Variants in POLR3G observed in about 807,000 individuals in gnomAD.
POLR3G encodes the protein RNA polymerase III subunit G.
In POLR3G, 28 loss-of-function variants were observed where a neutral mutation model predicts 30.1. That is an observed-to-expected ratio of 0.93 (90% CI 0.69 to 1.27). The LOEUF is 1.27. Among genes scored for constraint, POLR3G ranks in the 50% most tolerant of loss-of-function variants. POLR3G has a pLI of 0.00. For missense variants in POLR3G, 254 were observed against 264.6 expected (o/e 0.96, Z 0.28); for synonymous variants, 79 against 82.5 (o/e 0.96, Z 0.23).
chr5:90,498,007 G>T (rs912748055), intron 5 of POLR3G, among the ~76,000 whole-genome samples: 3 of 152,072 alleles, frequency 2.0e-5, no homozygotes, highest in South Asian at 2.1e-4. Flanking sequence ...CTACTTGGGG[G>T]TCTAAGGTGG....
intron 1 of POLR3G, among the ~76,000 whole-genome samples, chr5:90,476,254 C>T (rs1445077795): frequency 3.3e-5 from 5 of 152,166 alleles, no homozygotes; most frequent in African/African-American, 9.7e-5. Context: ...AGAGATTATT[C>T]GGTTACTCAG....
chr5:90,497,723 A>G lies in POLR3G; in HGVS notation c.355+17A>G. On this transcript the variant is annotated intron_variant, in intron 5 of 7. Transcript: ENST00000651687. The stretch of plus-strand genomic sequence containing the variant: ...GTAAAAAAGGTACATTGACTAATAT[A>G]ATAGTAATTCAGGTAGGAAAAGGTT... The G allele has an allele frequency of 1.3e-6, 2 of 1,593,836 alleles. No homozygotes were observed. The highest frequency in any genetic ancestry group is 1.4e-5 in the African/African-American group (1 of 73,738).
rs916062962 is a variant in POLR3G, at chr5:90,474,895, G to T, written c.-169G>T. The T allele has an allele frequency of 1.3e-5, 2 of 152,640 alleles. No individual in the cohort carries two copies. The highest frequency in any genetic ancestry group is 6.5e-5 in the Admixed American group (1 of 15,296). 9.5% of individuals were successfully genotyped at this position (152,640 alleles called of 1,614,324 possible). ...CGGTCCTGGTGCCGCGTGCAGGTCG[G>T]TGCGCGCTTCTCCCGAGGTGGAACG... On this transcript the variant is annotated 5_prime_UTR_variant, in exon 1 of 8. Coordinates refer to ENST00000651687, the MANE Select transcript of POLR3G (RefSeq NM_006467.3).
intron 3 of POLR3G, 56 bp from the exon 4 acceptor site, chr5:90,495,621 A>G: frequency 6.3e-7 from 1 of 1,575,580 alleles, no homozygotes; most frequent in Non-Finnish European, 8.6e-7. Context: ...GGAATGGCTT[A>G]AGTTCAGGGT....
At chr5:90,502,491 G>A in intron 6 of POLR3G, 4 of 600,204 alleles carry the variant, frequency 6.7e-6, no homozygotes, top group Non-Finnish European at 8.3e-6. Flanking sequence ...TGTAGATTCA[G>A]AAGGTTAAAG....
chr5:90,495,836 T>C (rs375376677), intron 4 of POLR3G, 103 bp downstream of exon 4: 5 of 1,383,274 alleles, frequency 3.6e-6, no homozygotes, highest in Non-Finnish European at 4.7e-6. Flanking sequence ...ATAGGAAAAC[T>C]GAGTCTGGTT....
chr5:90,474,489 C>T (rs529623416), upstream of POLR3G: 1,480 of 580,364 alleles, frequency 2.6e-3, 23 homozygotes, highest in South Asian at 0.018. Flanking sequence ...CCGTAGCGTG[C>T]GCTCCCGCAC....
intron 6 of POLR3G, chr5:90,502,239 C>T: frequency 2.0e-6 from 2 of 983,824 alleles, no homozygotes; most frequent in Non-Finnish European, 2.4e-6. Flanking sequence ...TTCTTTTTCA[C>T]TGTATCCCCC....
chr5:90,506,518 C>G lies in POLR3G; in HGVS notation c.439-10C>G. ...TTTCCATACAAATTAATGAAACTCA[C>G]TTATACCAGGAATTGGAAAAAAGAG... On this transcript the variant is annotated splice_polypyrimidine_tract_variant and intron_variant, in intron 6 of 7. Coordinates refer to ENST00000651687, the MANE Select transcript of POLR3G (RefSeq NM_006467.3). 1 of 1,610,200 alleles carries G rather than the reference C, an allele frequency of 6.2e-7. No homozygotes were observed. Among genetic ancestry groups the G allele is most frequent in the Non-Finnish European group, 8.5e-7 (1 of 1,178,446 alleles).
chr5:90,500,207 G>C (rs1404400931), intron 5 of POLR3G, among the ~76,000 whole-genome samples: 8 of 151,920 alleles, frequency 5.3e-5, no homozygotes, highest in African/African-American at 1.7e-4. Flanking sequence ...AGCTTGTACT[G>C]TCCTTTATGT....
At chr5:90,492,371 A>G (rs1354485490) in intron 3 of POLR3G, among the ~76,000 whole-genome samples, 1 of 152,200 alleles carries the variant, frequency 6.6e-6, no homozygotes, top group African/African-American at 2.4e-5. Context: ...TTTTTGTTCT[A>G]TGATATTTGT....
chr5:90,474,093 T>C (rs750341638), upstream of POLR3G: 11 of 1,574,874 alleles, frequency 7.0e-6, no homozygotes, highest in East Asian at 2.5e-4. Flanking sequence ...CTCTTTGGCC[T>C]CTCGGTCCTG....
At chr5:90,503,734 A>G (rs1752358662) in intron 6 of POLR3G, among the ~76,000 whole-genome samples, 1 of 152,182 alleles carries the variant, frequency 6.6e-6, no homozygotes, top group Non-Finnish European at 1.5e-5. Context: ...TTTTTTTTAT[A>G]ATAGAGCATT....
At position 90,506,635 on chromosome 5, in the gene POLR3G, C is replaced by A; in HGVS notation, c.546C>A (p.Ala182=). The A allele has an allele frequency of 5.0e-6, 8 of 1,611,468 alleles. No homozygotes were observed. Among genetic ancestry groups the A allele is most frequent in the Non-Finnish European group, 8.5e-7 (1 of 1,178,598 alleles). The change falls in exon 7 of 8, where the codon GCC becomes GCA. Residue 182 remains alanine, a synonymous_variant. Transcript: ENST00000651687. Reference sequence around the variant, plus strand: ...GTGATGATGACGATGACGATGATGCCGCAGAACAGGAGGAATATGATGAAG... The same window carrying A: ...GTGATGATGACGATGACGATGATGCAGCAGAACAGGAGGAATATGATGAAG... ...KEGDDDDDDD[A]AEQEEYDEEE...
intron 3 of POLR3G, among the ~76,000 whole-genome samples, chr5:90,493,442 T>G (rs977026072): frequency 1.2e-4 from 18 of 151,904 alleles, no homozygotes; most frequent in African/African-American, 4.4e-4. Context: ...AGATGGGGGT[T>G]TCACCATGTT....
intron 6 of POLR3G, among the ~76,000 whole-genome samples, chr5:90,504,158 G>A (rs1752377402): frequency 6.7e-6 from 1 of 149,624 alleles, no homozygotes; most frequent in African/African-American, 2.5e-5. Context: ...TTAGATCTGT[G>A]TGGTGGAAAT....
chr5:90,476,204 G>A (rs948007069), intron 1 of POLR3G, among the ~76,000 whole-genome samples: 29 of 152,152 alleles, frequency 1.9e-4, no homozygotes, highest in Non-Finnish European at 1.0e-4. Flanking sequence ...AAAGTCTTTG[G>A]TGGGCATGCA....
At chr5:90,484,920 C>G (rs1364126941) in intron 1 of POLR3G, among the ~76,000 whole-genome samples, 2 of 152,174 alleles carry the variant, frequency 1.3e-5, no homozygotes, top group African/African-American at 2.4e-5. Flanking sequence ...ACGTTCAATA[C>G]AACTTGCATA....
intron 1 of POLR3G, among the ~76,000 whole-genome samples, chr5:90,478,727 T>G (rs1387218975): frequency 6.6e-6 from 1 of 151,534 alleles, no homozygotes; most frequent in African/African-American, 2.4e-5. Flanking sequence ...CAGCTAAGCC[T>G]GTAGTCCCAG....
Sources: allele counts gnomAD v4.1 joint callset (sites outside exome capture counted in the v4.1 genomes callset), GRCh38; gene constraint gnomAD v4.1.1; transcripts MANE v1.5; gene names NCBI Gene and HGNC (gene_info 2026-07-23, HGNC 2026-07-21).